Variants in MGAT4C observed in about 807,000 individuals in gnomAD.
MGAT4C encodes the protein MGAT4 family member C.
In MGAT4C, 19 loss-of-function variants were observed where a neutral mutation model predicts 40.1. The observed-to-expected ratio is 0.47, with a 90% CI of 0.33 to 0.70. The LOEUF (loss-of-function observed/expected upper bound fraction) is 0.70, where lower values mean the gene tolerates loss of function less well. Among genes scored for constraint, MGAT4C ranks in the 30% least tolerant of loss-of-function variants. The pLI is 0.02. For synonymous variants in MGAT4C, 181 were observed against 187.1 expected (o/e 0.97, Z 0.27); for missense variants, 491 against 563.2 (o/e 0.87, Z 1.30).
chr12:86,265,420 G>A lies in MGAT4C; in HGVS notation c.-57+68645C>T, dbSNP rs929928383. ...CCCACCACTGTTTATTGAAAAGGGT[G>A]TCCTTTCCCCAATGTGTATTCTTGT... is the stretch of plus-strand genomic sequence containing the variant. On this transcript the variant is annotated intron_variant, in intron 4 of 7. Coordinates refer to the MGAT4C transcript ENST00000548651. Among the ~76,000 whole-genome samples the A allele has an allele frequency of 1.6e-4, 25 of 152,202 alleles. 2 individuals carry two copies. Among genetic ancestry groups the A allele is most frequent in the Admixed American group, 1.6e-3 (25 of 15,282 alleles).
chr12:86,678,878 T>C (rs1949921647), intron 2 of MGAT4C, among the ~76,000 whole-genome samples: 2 of 152,228 alleles, frequency 1.3e-5, no homozygotes, highest in Non-Finnish European at 2.9e-5. Flanking sequence ...TTAATAGTGC[T>C]GCAGTAAACA....
At chr12:86,061,243 G>A (rs1893932240) in intron 1 of MGAT4C, among the ~76,000 whole-genome samples, 1 of 152,174 alleles carries the variant, frequency 6.6e-6, no homozygotes, top group Non-Finnish European at 1.5e-5. Context: ...CCCTCAACCG[G>A]GAAGTGCAAG....
intron 1 of MGAT4C, among the ~76,000 whole-genome samples, chr12:86,772,766 C>T (rs1170298715): frequency 6.6e-6 from 1 of 152,110 alleles, no homozygotes; most frequent in East Asian, 1.9e-4. Context: ...TTTCTGTTTT[C>T]TTCCTTTTGA....
At chr12:86,053,733 A>T (rs946930698) in intron 1 of MGAT4C, among the ~76,000 whole-genome samples, 2 of 152,050 alleles carry the variant, frequency 1.3e-5, no homozygotes, top group African/African-American at 4.8e-5. Context: ...ACTATTAGCA[A>T]GAAAACAAAT....
At chr12:86,106,603 C>T (rs1454730562) in intron 1 of MGAT4C, among the ~76,000 whole-genome samples, 2 of 152,124 alleles carry the variant, frequency 1.3e-5, no homozygotes, top group African/African-American at 4.8e-5. Context: ...TGGCACCTGC[C>T]TTTTCTCTTA....
chr12:86,147,609 T>G (rs1883723179), intron 1 of MGAT4C, among the ~76,000 whole-genome samples: 1 of 152,216 alleles, frequency 6.6e-6, no homozygotes, highest in Admixed American at 6.5e-5. Flanking sequence ...ATAACATGTC[T>G]GGGTGAAGTA....
intron 2 of MGAT4C, among the ~76,000 whole-genome samples, chr12:86,689,993 T>C (rs1448157295): frequency 1.3e-5 from 2 of 152,186 alleles, no homozygotes; most frequent in African/African-American, 4.8e-5. Context: ...CTGCTGCCTT[T>C]CTTTCAGAGA....
intron 1 of MGAT4C, among the ~76,000 whole-genome samples, chr12:86,165,594 CT>C (rs1203828831): frequency 1.3e-5 from 2 of 152,052 alleles, no homozygotes; most frequent in Non-Finnish European, 2.9e-5. Flanking sequence ...CTCAAATTAC[CT>C]TTTGCTTTCA....
chr12:86,768,425 G>GA (rs541474619), intron 1 of MGAT4C, among the ~76,000 whole-genome samples: 1,860 of 152,140 alleles, frequency 0.012, 20 homozygotes, highest in Middle Eastern at 0.041. Flanking sequence ...TCAATATCGT[G>GA]AAAATGGCCA....
chr12:86,024,975 C>T (rs1250066973), intron 2 of MGAT4C, among the ~76,000 whole-genome samples: 1 of 151,486 alleles, frequency 6.6e-6, no homozygotes, highest in Admixed American at 6.6e-5. Flanking sequence ...AACTATATGA[C>T]AATCTTGATT....
chr12:86,803,702 A>C (rs1001498707), intron 1 of MGAT4C, among the ~76,000 whole-genome samples: 1 of 151,038 alleles, frequency 6.6e-6, no homozygotes, highest in Non-Finnish European at 1.5e-5. Context: ...AATGCAAATC[A>C]AAACCACTAT....
intron 4 of MGAT4C, among the ~76,000 whole-genome samples, chr12:86,292,593 C>T (rs2136129651): frequency 6.6e-6 from 1 of 152,188 alleles, no homozygotes; most frequent in Non-Finnish European, 1.5e-5. Context: ...TTAATGATAA[C>T]TTCTGAAGAG....
chr12:86,013,804 C>T (rs1286553878), intron 2 of MGAT4C: 3 of 879,126 alleles, frequency 3.4e-6, no homozygotes, highest in Non-Finnish European at 4.1e-6. Context: ...ACTCTTTTCT[C>T]TCCTACTCCC....
intron 4 of MGAT4C, among the ~76,000 whole-genome samples, chr12:85,981,780 C>G (rs926665229): frequency 6.6e-6 from 1 of 152,142 alleles, no homozygotes; most frequent in Non-Finnish European, 1.5e-5. Flanking sequence ...GTAGGTGATG[C>G]TGCAACAGGA....
chr12:86,323,144 A>G (rs1223750851), intron 4 of MGAT4C, among the ~76,000 whole-genome samples: 1 of 150,118 alleles, frequency 6.7e-6, no homozygotes. Flanking sequence ...TTTTTTTTTT[A>G]ATGTTAACTA....
At chr12:86,520,766 C>T (rs1313311462) in intron 2 of MGAT4C, among the ~76,000 whole-genome samples, 5 of 152,044 alleles carry the variant, frequency 3.3e-5, no homozygotes, top group African/African-American at 9.7e-5. Flanking sequence ...TTATTAATAG[C>T]CATTCTGACT....
At chr12:86,068,607 T>C (rs977702496) in intron 1 of MGAT4C, 2 of 149,796 alleles carry the variant, frequency 1.3e-5, no homozygotes, top group Non-Finnish European at 3.0e-5. Flanking sequence ...ATATTATATA[T>C]ATATATTTAT....
Position 86,410,416 on chromosome 12 carries a change from G to C in MGAT4C, c.-120+24741C>G, listed in dbSNP as rs951632731. ...TATTCCTTGCTGGGAAAAGAATTAA[G>C]CGATATCTCTCCTAATTGCACATCC... On this transcript the variant is annotated intron_variant, in intron 3 of 7. Coordinates refer to the MGAT4C transcript ENST00000548651. Among the ~76,000 whole-genome samples the C allele has an allele frequency of 7.2e-5, 11 of 152,124 alleles. 1 individual carries two copies. The highest frequency in any genetic ancestry group is 5.8e-4 in the East Asian group (3 of 5,184).
chr12:85,991,955 A>G (rs968814013), intron 2 of MGAT4C, among the ~76,000 whole-genome samples: 3 of 152,180 alleles, frequency 2.0e-5, no homozygotes, highest in African/African-American at 7.2e-5. Flanking sequence ...CCAGCGAGCC[A>G]TCTTCAGAAG....
Sources: gnomAD v4.1 joint callset for allele counts (sites outside exome capture counted in the v4.1 genomes callset) on GRCh38, gnomAD v4.1.1 for gene constraint, MANE v1.5 for transcripts, NCBI Gene and HGNC (gene_info 2026-07-23, HGNC 2026-07-21) for gene names.